The following TAF4B variants were observed in gnomAD, a reference collection of about 807,000 sequenced individuals.
TAF4B encodes transcription initiation factor TFIID subunit 4B.
A neutral mutation model predicts 86.4 loss-of-function variants in TAF4B; 38 were observed. That is an observed-to-expected ratio of 0.44 (90% CI 0.34 to 0.58). The LOEUF (loss-of-function observed/expected upper bound fraction) is 0.58, where lower values mean the gene tolerates loss of function less well. Ranked by LOEUF, TAF4B falls within the 20% of genes least tolerant of loss-of-function variation. The pLI is 0.02. For missense variants in TAF4B, 988 were observed against 1,027.6 expected, an observed-to-expected ratio of 0.96 and a Z score of 0.53; for synonymous variants, 388 against 391.2, an observed-to-expected ratio of 0.99 and a Z score of 0.10.
chr18:26,226,875 C>T lies in TAF4B; in HGVS notation c.-59C>T. ...CGGAGTCGGCTGCCGCGCGCCAAGC[C>T]TCCCCTCACCTCTGCTCCCGGAACC... On this transcript the variant is annotated 5_prime_UTR_variant, in exon 1 of 15. Coordinates refer to ENST00000269142, the MANE Select transcript of TAF4B (RefSeq NM_005640.3). 1 of 1,285,426 alleles carries T rather than the reference C, an allele frequency of 7.8e-7. No homozygotes were observed. The highest frequency in any genetic ancestry group is 9.9e-7 in the Non-Finnish European group (1 of 1,008,574). The allele number at this position is 1,285,426 out of a possible 1,614,324, so 79.6% of individuals were successfully genotyped here. A position where few individuals can be genotyped will look rare whatever the true frequency, so the allele number is the denominator to read the frequency against.
intron 1 of TAF4B, among the ~76,000 whole-genome samples, chr18:26,229,974 T>C (rs563120149): frequency 2.7e-5 from 4 of 150,684 alleles, no homozygotes; most frequent in African/African-American, 9.9e-5. Context: ...AATATATATA[T>C]ATATACACAC....
chr18:26,359,562 T>C (rs1322558400), intron 14 of TAF4B, among the ~76,000 whole-genome samples: 1 of 152,202 alleles, frequency 6.6e-6, no homozygotes, highest in Non-Finnish European at 1.5e-5. Context: ...CTGCCTTTAT[T>C]TTAAAGTAAT....
At chr18:26,382,006 A>G (rs976739093) in intron 14 of TAF4B, among the ~76,000 whole-genome samples, 4 of 152,114 alleles carry the variant, frequency 2.6e-5, no homozygotes, top group African/African-American at 9.6e-5. Context: ...CCTGTATGCA[A>G]CTCACCAACT....
At chr18:26,385,051 C>A (rs1019463315) in intron 14 of TAF4B, among the ~76,000 whole-genome samples, 5 of 152,098 alleles carry the variant, frequency 3.3e-5, no homozygotes, top group Non-Finnish European at 7.3e-5. Flanking sequence ...GGAGGAGAGG[C>A]CCGTATGGAG....
chr18:26,335,579 C>A (rs2057084177), intron 13 of TAF4B, among the ~76,000 whole-genome samples: 1 of 152,074 alleles, frequency 6.6e-6, no homozygotes. Flanking sequence ...GGTAATTGTT[C>A]GTTTTGTAAA....
chr18:26,280,148 A>T (rs1446077722), intron 5 of TAF4B, among the ~76,000 whole-genome samples: 2 of 152,200 alleles, frequency 1.3e-5, no homozygotes, highest in Non-Finnish European at 2.9e-5. Context: ...ACTTTTCACC[A>T]TATATAAAAA....
At chr18:26,318,360 T>TC (rs1377309201) in intron 10 of TAF4B, among the ~76,000 whole-genome samples, 1 of 152,112 alleles carries the variant, frequency 6.6e-6, no homozygotes, top group African/African-American at 2.4e-5. Flanking sequence ...GCTAAGCTTT[T>TC]TTTTTTTTTA....
chr18:26,279,416 C>G (rs62085373), intron 5 of TAF4B, among the ~76,000 whole-genome samples: 16,895 of 151,712 alleles, frequency 0.11, 966 homozygotes, highest in African/African-American at 0.14. Flanking sequence ...CCATACTGCC[C>G]AAAGCAATTG....
At chr18:26,353,915 C>G (rs906142244) in intron 13 of TAF4B, among the ~76,000 whole-genome samples, 1 of 152,136 alleles carries the variant, frequency 6.6e-6, no homozygotes, top group Non-Finnish European at 1.5e-5. Flanking sequence ...TTCAAGGACT[C>G]TTTGCTGGAC....
intron 12 of TAF4B, among the ~76,000 whole-genome samples, chr18:26,327,600 T>C (rs2057015141): frequency 6.6e-6 from 1 of 151,500 alleles, no homozygotes; most frequent in Non-Finnish European, 1.5e-5. Context: ...AGACAGAGTC[T>C]TGCACTGTCA....
chr18:26,361,951 G>C (rs2057336060), intron 14 of TAF4B, among the ~76,000 whole-genome samples: 1 of 151,860 alleles, frequency 6.6e-6, no homozygotes, highest in African/African-American at 2.4e-5. Context: ...AATATGCTTT[G>C]TTAGCATACA....
In TAF4B at chr18:26,248,155, C is replaced by T. The variant is rs372835538; in HGVS notation, c.344-17015C>T. On this transcript the variant is annotated intron_variant, in intron 1 of 14. Transcript: ENST00000269142. Reference sequence around the variant, plus strand: ...CCTCCCAAAGTGCTGGGATTACAGGCGTGAGCGACTGCACCTGGCCCCTAA... The same window carrying T: ...CCTCCCAAAGTGCTGGGATTACAGGTGTGAGCGACTGCACCTGGCCCCTAA... Among the ~76,000 whole-genome samples the T allele has an allele frequency of 5.0e-3, 177 of 35,610 alleles. 3 individuals carry two copies. Among genetic ancestry groups the T allele is most frequent in the African/African-American group, 0.019 (166 of 8,900 alleles). The allele number at this position is 35,610 out of a possible 152,430, so 23.4% of individuals were successfully genotyped here. A position where few individuals can be genotyped will look rare whatever the true frequency, so the allele number is the denominator to read the frequency against.
intron 1 of TAF4B, among the ~76,000 whole-genome samples, chr18:26,255,067 A>G (rs1345954651): frequency 6.6e-6 from 1 of 152,176 alleles, no homozygotes; most frequent in Non-Finnish European, 1.5e-5. Flanking sequence ...CCACCTTAAA[A>G]AATGCCCCAA....
intron 13 of TAF4B, among the ~76,000 whole-genome samples, chr18:26,344,236 C>T (rs1163371667): frequency 1.3e-5 from 2 of 151,936 alleles, no homozygotes; most frequent in East Asian, 3.9e-4. Flanking sequence ...TAATCAATCT[C>T]TGAAAACTAT....
At chr18:26,305,518 G>A (rs776936843) in intron 9 of TAF4B, among the ~76,000 whole-genome samples, 2 of 151,984 alleles carry the variant, frequency 1.3e-5, no homozygotes, top group Admixed American at 6.6e-5. Context: ...AACGATTCTC[G>A]TGCCTCAGCC....
chr18:26,257,896 T>C (rs2056108993), intron 1 of TAF4B, among the ~76,000 whole-genome samples: 1 of 151,014 alleles, frequency 6.6e-6, no homozygotes, highest in Non-Finnish European at 1.5e-5. Flanking sequence ...TAATTATTGC[T>C]TTATACCTTG....
At chr18:26,359,525 A>C (rs1200406802) in intron 14 of TAF4B, among the ~76,000 whole-genome samples, 2 of 152,182 alleles carry the variant, frequency 1.3e-5, no homozygotes, top group South Asian at 4.1e-4. Flanking sequence ...GCATAGTAGA[A>C]CTGTGTCCTG....
chr18:26,346,791 A>ATATGTGTGTG (rs2057189195), intron 13 of TAF4B, among the ~76,000 whole-genome samples: 1 of 29,310 alleles, frequency 3.4e-5, no homozygotes, highest in African/African-American at 8.0e-5. Flanking sequence ...GTATATATAT[A>ATATGTGTGTG]TATATATGTG....
chr18:26,301,395 TC>T (rs2144634408), intron 9 of TAF4B, among the ~76,000 whole-genome samples: 1 of 151,970 alleles, frequency 6.6e-6, no homozygotes, highest in African/African-American at 2.4e-5. Flanking sequence ...CCAGTGATGC[TC>T]CTGCCTCAGC....
Sources: gnomAD v4.1 joint callset for allele counts (sites outside exome capture counted in the v4.1 genomes callset) on GRCh38, gnomAD v4.1.1 for gene constraint, MANE v1.5 for transcripts, NCBI Gene and HGNC (gene_info 2026-07-23, HGNC 2026-07-21) for gene names.